The following VAV3 variants were observed in gnomAD, a reference collection of about 807,000 sequenced individuals.
VAV3 encodes guanine nucleotide exchange factor VAV3.
A neutral mutation model predicts 131.2 loss-of-function variants in VAV3; 94 were observed. The observed-to-expected ratio is 0.72, with a 90% confidence interval of 0.61 to 0.85. The LOEUF is 0.85. Ranked by LOEUF, VAV3 falls within the 40% of genes least tolerant of loss-of-function variation. The pLI is 0.00. For synonymous variants in VAV3, 349 were observed against 342.0 expected (o/e 1.02, Z -0.22); for missense variants, 939 against 1,002.7 (o/e 0.94, Z 0.86).
At chr1:107,874,829 C>A in intron 2 of VAV3, 72 bp downstream of exon 2, 2 of 1,363,722 alleles carry the variant, frequency 1.5e-6, no homozygotes, top group South Asian at 2.4e-5. Context: ...ACATGCCCTA[C>A]TTCAAGATTT....
chr1:107,606,864 T>C (rs1570600732), intron 22 of VAV3, among the ~76,000 whole-genome samples: 2 of 150,460 alleles, frequency 1.3e-5, no homozygotes, highest in African/African-American at 4.9e-5. Context: ...TGGTTACTCT[T>C]TGTTGTTTGT....
chr1:107,880,377 G>C (rs974274692), intron 1 of VAV3, among the ~76,000 whole-genome samples: 1 of 152,194 alleles, frequency 6.6e-6, no homozygotes, highest in Non-Finnish European at 1.5e-5. Flanking sequence ...GGAAGCGGTT[G>C]AGATGGACAC....
intron 1 of VAV3, among the ~76,000 whole-genome samples, chr1:107,928,925 TA>T (rs1238216296): frequency 1.3e-5 from 2 of 151,972 alleles, no homozygotes; most frequent in African/African-American, 4.8e-5. Flanking sequence ...TAAGCAGATT[TA>T]ACCCAAAGAA....
At chr1:107,758,526 C>A (rs1664241252) in intron 10 of VAV3, among the ~76,000 whole-genome samples, 1 of 152,190 alleles carries the variant, frequency 6.6e-6, no homozygotes, top group Admixed American at 6.5e-5. Flanking sequence ...TACACCATTG[C>A]ACTCTAGCTT....
At chr1:107,735,501 G>A (rs1271508797) in intron 15 of VAV3, among the ~76,000 whole-genome samples, 6 of 151,944 alleles carry the variant, frequency 3.9e-5, no homozygotes, top group Middle Eastern at 3.4e-3. Flanking sequence ...TCAAATAGAC[G>A]CAATAAAAAA....
chr1:107,783,380 C>T (rs1665802526), intron 2 of VAV3, among the ~76,000 whole-genome samples: 1 of 152,032 alleles, frequency 6.6e-6, no homozygotes, highest in Non-Finnish European at 1.5e-5. Context: ...GGCACTGGAA[C>T]CAAGATGGCT....
In VAV3 at chr1:107,965,052, G is replaced by C. The variant is rs971506347; in HGVS notation, c.-183C>G. ...CGGGCGCCGCGCTAGGCTCGGCTCC[G>C]GTCCCGGCCCGGGTGCGCCGCGACC... On this transcript the variant is annotated 5_prime_UTR_variant, in exon 1 of 27. Transcript: ENST00000370056. The C allele has an allele frequency of 1.9e-4, 49 of 257,816 alleles. No homozygotes were observed. The highest frequency in any genetic ancestry group is 2.6e-4 in the Admixed American group (4 of 15,490). The allele number at this position is 257,816 out of a possible 1,614,324, so 16.0% of individuals were successfully genotyped here. A position where few individuals can be genotyped will look rare whatever the true frequency, so the allele number is the denominator to read the frequency against.
intron 1 of VAV3, among the ~76,000 whole-genome samples, chr1:107,888,181 T>C (rs1286147083): frequency 6.6e-6 from 1 of 152,204 alleles, no homozygotes; most frequent in Middle Eastern, 3.2e-3. Context: ...CACTGTGATA[T>C]CTTCTTTATT....
intron 1 of VAV3, among the ~76,000 whole-genome samples, chr1:107,895,666 A>G (rs1250114323): frequency 6.6e-6 from 1 of 152,184 alleles, no homozygotes; most frequent in Non-Finnish European, 1.5e-5. Context: ...AAAAACTGGT[A>G]TTATTGGCCA....
chr1:107,583,771 G>C (rs1368766110), intron 25 of VAV3, among the ~76,000 whole-genome samples: 1 of 152,146 alleles, frequency 6.6e-6, no homozygotes, highest in Non-Finnish European at 1.5e-5. Flanking sequence ...CAAACAAATG[G>C]AAGAACATTC....
At chr1:107,821,400 G>T (rs985059365) in intron 2 of VAV3, among the ~76,000 whole-genome samples, 2 of 152,164 alleles carry the variant, frequency 1.3e-5, no homozygotes, top group African/African-American at 4.8e-5. Context: ...ATTCTTCTTG[G>T]TGCTGGGCCA....
At chr1:107,594,755 G>C (rs954217257) in intron 25 of VAV3, among the ~76,000 whole-genome samples, 2 of 152,064 alleles carry the variant, frequency 1.3e-5, no homozygotes, top group African/African-American at 2.4e-5. Context: ...AATTGGCTGG[G>C]AGTGAACCAC....
chr1:107,714,062 C>T (rs188709723), intron 15 of VAV3, among the ~76,000 whole-genome samples: 2 of 152,140 alleles, frequency 1.3e-5, no homozygotes, highest in African/African-American at 2.4e-5. Flanking sequence ...TTCACTTATA[C>T]GCATTATTTT....
intron 1 of VAV3, among the ~76,000 whole-genome samples, chr1:107,879,170 T>C (rs1268476104): frequency 2.0e-5 from 3 of 152,166 alleles, no homozygotes; most frequent in African/African-American, 4.8e-5. Context: ...CCCAGGTCCA[T>C]CTCACATTTT....
chr1:107,877,067 G>C (rs185958320), intron 1 of VAV3, among the ~76,000 whole-genome samples: 9 of 152,234 alleles, frequency 5.9e-5, no homozygotes, highest in Admixed American at 4.6e-4. Context: ...ATCATTCTCA[G>C]AGGCTTAAAT....
At chr1:107,575,323 T>C (rs1358072640) in intron 25 of VAV3, among the ~76,000 whole-genome samples, 2 of 152,166 alleles carry the variant, frequency 1.3e-5, no homozygotes, top group Non-Finnish European at 2.9e-5. Context: ...ACCATCTGTA[T>C]TTTTAACAGT....
intron 17 of VAV3, among the ~76,000 whole-genome samples, chr1:107,704,256 AT>A (rs1237377763): frequency 2.6e-5 from 4 of 152,086 alleles, no homozygotes; most frequent in Non-Finnish European, 5.9e-5. Flanking sequence ...GGTTTTAGTC[AT>A]TTATTTAGGG....
intron 1 of VAV3, among the ~76,000 whole-genome samples, chr1:107,963,092 G>C (rs1306825703): frequency 6.6e-6 from 1 of 152,094 alleles, no homozygotes; most frequent in East Asian, 1.9e-4. Context: ...TCAAATAAAG[G>C]CTTCGAGGTT....
chr1:107,666,862 C>G (rs565173541), intron 19 of VAV3, among the ~76,000 whole-genome samples: 6 of 152,196 alleles, frequency 3.9e-5, no homozygotes, highest in African/African-American at 1.2e-4. Flanking sequence ...AGTTAAGGTA[C>G]AGAGGGTTTA....
Sources: gnomAD v4.1 joint callset for allele counts (sites outside exome capture counted in the v4.1 genomes callset) on GRCh38, gnomAD v4.1.1 for gene constraint, MANE v1.5 for transcripts, NCBI Gene and HGNC (gene_info 2026-07-23, HGNC 2026-07-21) for gene names.